FOXO3: variants seen among roughly 807,000 people sequenced by gnomAD.
FOXO3 encodes forkhead box O3, also known as forkhead box protein O3.
A neutral mutation model predicts 41.9 loss-of-function variants in FOXO3; 4 were observed. The ratio of observed to expected loss-of-function variants is 0.10; its 90% CI spans 0.05 to 0.22. The LOEUF (loss-of-function observed/expected upper bound fraction) is 0.22, where lower values mean the gene tolerates loss of function less well. Among genes scored for constraint, FOXO3 ranks in the 10% least tolerant of loss-of-function variants. The pLI, the probability that FOXO3 is intolerant of heterozygous loss-of-function variation, is 1.00. For synonymous variants in FOXO3, 318 were observed against 389.3 expected, an observed-to-expected ratio of 0.82 and a Z score of 2.16; for missense variants, 534 against 906.8, an observed-to-expected ratio of 0.59 and a Z score of 5.28.
chr6:108,649,008 T>TA lies in FOXO3; in HGVS notation c.622-14422dup, dbSNP rs10612637. 5.8e-3 allele frequency among the ~76,000 whole-genome samples: 455 copies of TA among 79,094 alleles called. 5 individuals are homozygous for TA. The highest frequency in any genetic ancestry group is 8.0e-3 in the African/African-American group (180 of 22,376). 51.9% of individuals were successfully genotyped at this position (79,094 alleles called of 152,430 possible). A position where few individuals can be genotyped will look rare whatever the true frequency, so the allele number is the denominator to read the frequency against. On this transcript the variant is annotated intron_variant, in intron 1 of 2. Transcript: ENST00000406360. ...GGTAACAGAGTGGGAACCTATCTCT[T>TA]AAAAAAAAAAAAAAAAAAAAAAAAA...
At chr6:108,641,122 C>T (rs568116580) in intron 1 of FOXO3, among the ~76,000 whole-genome samples, 1 of 152,198 alleles carries the variant, frequency 6.6e-6, no homozygotes, top group African/African-American at 2.4e-5. Context: ...GTTGGCCAGG[C>T]TGGTCTCAAA....
intron 1 of FOXO3, among the ~76,000 whole-genome samples, chr6:108,585,800 C>G (rs1250444750): frequency 6.6e-6 from 1 of 152,246 alleles, no homozygotes; most frequent in African/African-American, 2.4e-5. Flanking sequence ...CTCTAAACCA[C>G]TTAAAACACA....
intron 1 of FOXO3, among the ~76,000 whole-genome samples, chr6:108,607,692 G>A (rs1396804415): frequency 6.6e-6 from 1 of 152,146 alleles, no homozygotes; most frequent in Non-Finnish European, 1.5e-5. Flanking sequence ...CTGACATGTA[G>A]TAGAATATAA....
intron 1 of FOXO3, among the ~76,000 whole-genome samples, chr6:108,582,102 G>A (rs1274007135): frequency 6.6e-6 from 1 of 152,280 alleles, no homozygotes; most frequent in East Asian, 1.9e-4. Context: ...CTGTCATATA[G>A]GGACAACGTA....
At chr6:108,599,840 T>C (rs915748160) in intron 1 of FOXO3, among the ~76,000 whole-genome samples, 2 of 152,198 alleles carry the variant, frequency 1.3e-5, no homozygotes, top group African/African-American at 4.8e-5. Context: ...CTTTTGACTT[T>C]GAAGGTGGAT....
In FOXO3 at chr6:108,664,098, G is replaced by T. The variant is rs1228087381; in HGVS notation, c.1265G>T (p.Gly422Val). ...TTCCCGTATACCACCAAGGGCTCGG[G>T]CCTGGGCTCCCCAACCAGCTCCTTT... ...SSFPYTTKGS[G>V]LGSPTSSFNS... The change falls in exon 2 of 3, where the codon GGC becomes GTC. Residue 422 changes from glycine (G) to valine (V), a missense_variant. Around this residue, in one of 8 missense-constraint regions of FOXO3, gnomAD observed 185 missense variants for 224.9 expected, o/e 0.82. Transcript: ENST00000406360. 6.2e-7 allele frequency: 1 copy of T among 1,614,138 alleles called. No homozygotes were observed. Among genetic ancestry groups the T allele is most frequent in the African/African-American group, 1.3e-5 (1 of 75,036 alleles).
chr6:108,635,830 A>G (rs118096655), intron 1 of FOXO3, among the ~76,000 whole-genome samples: 1,535 of 152,352 alleles, frequency 0.01, 17 homozygotes, highest in Non-Finnish European at 0.018. Context: ...ATGCTGACCT[A>G]CTGCCTCTGT....
intron 1 of FOXO3, among the ~76,000 whole-genome samples, chr6:108,660,868 T>G (rs1189267994): frequency 6.6e-6 from 1 of 151,910 alleles, no homozygotes; most frequent in Non-Finnish European, 1.5e-5. Context: ...CCCCTGCACT[T>G]TGCAACAAGT....
chr6:108,622,931 G>GA (rs534351537), intron 1 of FOXO3, among the ~76,000 whole-genome samples: 2,764 of 107,640 alleles, frequency 0.026, 27 homozygotes, highest in East Asian at 0.048. Flanking sequence ...GGGCCTTTTA[G>GA]AAAAAAAAAA....
intron 1 of FOXO3, among the ~76,000 whole-genome samples, chr6:108,597,264 A>G (rs1052501618): frequency 1.4e-4 from 21 of 152,228 alleles, no homozygotes; most frequent in African/African-American, 4.8e-4. Context: ...TTGAGCCATT[A>G]GAAACAGTGT....
chr6:108,589,090 G>C (rs1776663467), intron 1 of FOXO3, among the ~76,000 whole-genome samples: 1 of 151,874 alleles, frequency 6.6e-6, no homozygotes. Context: ...CCGTCTTAAG[G>C]AGGAGAATGG....
intron 1 of FOXO3, among the ~76,000 whole-genome samples, chr6:108,596,887 TTTTTTTC>T (rs1049432640): frequency 2.6e-5 from 4 of 152,216 alleles, no homozygotes; most frequent in African/African-American, 4.8e-5. Flanking sequence ...AGGGATGCTT[TTTTTTTC>T]TTTTTTCTTT....
chr6:108,627,063 A>C (rs1777831150), intron 1 of FOXO3, among the ~76,000 whole-genome samples: 1 of 152,224 alleles, frequency 6.6e-6, no homozygotes, highest in Admixed American at 6.5e-5. Flanking sequence ...CCAGGCAGGC[A>C]GGTAGGGGAA....
Position 108,573,024 on chromosome 6 carries a change from C to T in FOXO3, c.621+11195C>T, listed in dbSNP as rs185277626. Among the ~76,000 whole-genome samples the T allele has an allele frequency of 5.6e-4, 86 of 152,240 alleles. 1 individual carries two copies. The East Asian group carries it at 7.0e-3, about 12-fold the overall frequency. On this transcript the variant is annotated intron_variant, in intron 1 of 2. Transcript: ENST00000406360. ...AGCTTTTGGCCGGCGCGGTGGCTCA[C>T]GCCTGTAATCCCAGCACTTTGGGAG...
intron 1 of FOXO3, among the ~76,000 whole-genome samples, chr6:108,596,387 A>G (rs77397908): frequency 6.6e-6 from 1 of 151,020 alleles, no homozygotes; most frequent in Non-Finnish European, 1.5e-5. Context: ...TAAATGAAAA[A>G]AAAAAAAAAA....
chr6:108,586,172 C>T (rs1390639319), intron 1 of FOXO3, among the ~76,000 whole-genome samples: 1 of 152,246 alleles, frequency 6.6e-6, no homozygotes, highest in East Asian at 1.9e-4. Flanking sequence ...GAGATGAAGC[C>T]TGAGGGTGAA....
In FOXO3 at chr6:108,590,708, C is replaced by G. The variant is rs183610228; in HGVS notation, c.621+28879C>G. On this transcript the variant is annotated intron_variant, in intron 1 of 2. Transcript: ENST00000406360. Reference sequence around the variant, plus strand: ...GTAATGGATAGACAAAAGAAAAGTACTTATTTAGAGTTTACAATGGCCAAG... The same window carrying G: ...GTAATGGATAGACAAAAGAAAAGTAGTTATTTAGAGTTTACAATGGCCAAG... Among the ~76,000 whole-genome samples the G allele has an allele frequency of 3.9e-5, 6 of 152,248 alleles. No individual in the cohort carries two copies. In the East Asian group the frequency reaches 1.2e-3, roughly 29 times the overall value.
chr6:108,578,772 G>A (rs1331568612), intron 1 of FOXO3, among the ~76,000 whole-genome samples: 2 of 152,230 alleles, frequency 1.3e-5, no homozygotes, highest in Non-Finnish European at 2.9e-5. Flanking sequence ...GGATAAAAAT[G>A]TGCTGGGTGT....
rs924045909 is a variant in FOXO3, at chr6:108,682,431, A to T, written c.*2639A>T. ...TTCAAGTAACTAAAACAGCATCTAC[A>T]TGTAGAGTGTTGTGGAGAGCTGAGA... On this transcript the variant is annotated 3_prime_UTR_variant, in exon 3 of 3. Coordinates refer to ENST00000406360, the MANE Select transcript of FOXO3 (RefSeq NM_001455.4). 3 of 152,370 alleles carry T rather than the reference A, an allele frequency of 2.0e-5. No homozygotes were observed. Among genetic ancestry groups the T allele is most frequent in the African/African-American group, 7.2e-5 (3 of 41,458 alleles). 9.4% of individuals were successfully genotyped at this position (152,370 alleles called of 1,614,324 possible). A position where few individuals can be genotyped will look rare whatever the true frequency, so the allele number is the denominator to read the frequency against.
Sources: gnomAD v4.1 joint callset for allele counts (sites outside exome capture counted in the v4.1 genomes callset) on GRCh38, gnomAD v4.1.1 for gene constraint, gnomAD v4.1.1 regional missense constraint, MANE v1.5 for transcripts, NCBI Gene and HGNC (gene_info 2026-07-23, HGNC 2026-07-21) for gene names.